Variants in ZNF280C observed in about 807,000 individuals in gnomAD.
The protein encoded by ZNF280C is zinc finger protein 280C, also known as suppressor of hairy wing homolog 3.
ZNF280C carries 14 observed loss-of-function variants against 53.6 expected under a neutral mutation model. The ratio of observed to expected loss-of-function variants is 0.26; its 90% CI spans 0.17 to 0.41. The LOEUF is 0.41. Ranked by LOEUF, ZNF280C falls within the 10% of genes least tolerant of loss-of-function variation. The pLI is 1.00. For missense variants in ZNF280C, 416 were observed against 547.1 expected (o/e 0.76, Z 2.39); for synonymous variants, 203 against 181.1 (o/e 1.12, Z -0.97).
rs2124694127 is a variant in ZNF280C at position 130,204,268 on chromosome X, G to A, written c.*709C>T. On this transcript the variant is annotated 3_prime_UTR_variant, in exon 19 of 19. Coordinates refer to ENST00000370978, the MANE Select transcript of ZNF280C (RefSeq NM_017666.5). ...GGTTAGAATCGACCCATAAGCTTAA[G>A]ATCAAAAGCCAAAGCTCCCAATGGG... The A allele has an allele frequency of 1.8e-5, 2 of 112,519 alleles. 1 individual carries two copies. Among genetic ancestry groups the A allele is most frequent in the South Asian group, 7.4e-4 (2 of 2,709 alleles). The allele number at this position is 112,519 out of a possible 1,213,427, so 9.3% of individuals were successfully genotyped here.
intron 13 of ZNF280C, 43 bp downstream of exon 13, chrX:130,220,306 T>C (rs1266477717): frequency 4.7e-6 from 5 of 1,074,779 alleles, no homozygotes; most frequent in East Asian, 3.3e-5. Flanking sequence ...AAAAAATTAA[T>C]AGAATGTGCA....
At chrX:130,268,637 C>G (rs1276192327) in intron 1 of ZNF280C, 125 bp downstream of exon 1, 1 of 112,318 alleles carries the variant, frequency 8.9e-6, no homozygotes, top group Admixed American at 9.3e-5. Context: ...CCCGTCGATC[C>G]GCACCGGCAT....
At position 130,204,515 on chromosome X, in the gene ZNF280C, A is replaced by G. The variant is rs2031950147; in HGVS notation, c.*462T>C. 1.7e-5 allele frequency: 2 copies of G among 114,860 alleles called. No individual in the cohort carries two copies. The highest frequency in any genetic ancestry group is 1.9e-4 in the Admixed American group (2 of 10,624). 9.5% of individuals were successfully genotyped at this position (114,860 alleles called of 1,213,427 possible). ...GGGACACTGTCCAGGAGTACCCTGG[A>G]TATTTTTTGAAACTTATGTGTTGCT... On this transcript the variant is annotated 3_prime_UTR_variant, in exon 19 of 19. Transcript: ENST00000370978.
chrX:130,209,238 TTC>T (rs2032014961), intron 16 of ZNF280C, among the ~76,000 whole-genome samples: 1 of 112,038 alleles, frequency 8.9e-6, no homozygotes, highest in East Asian at 2.8e-4. Context: ...GTTTAGTTGA[TTC>T]TGAGCTAAAT....
In ZNF280C at chrX:130,251,679, T is replaced by A. The variant is rs189079862; in HGVS notation, c.32-4674A>T. The stretch of plus-strand genomic sequence containing the variant: ...CCCAGGAGGCTAAAGAATGAGAATC[T>A]CTGGAACCCAGGAGAGAACGAGAAT... On this transcript the variant is annotated intron_variant, in intron 2 of 18. Transcript: ENST00000370978. Among the ~76,000 whole-genome samples, 3 of 109,761 alleles carry A rather than the reference T, an allele frequency of 2.7e-5. No individual in the cohort carries two copies. In the East Asian group the frequency reaches 8.4e-4, roughly 31 times the overall value.
chrX:130,222,148 A>T (rs2032170940), intron 12 of ZNF280C, among the ~76,000 whole-genome samples: 1 of 110,239 alleles, frequency 9.1e-6, no homozygotes, highest in African/African-American at 3.3e-5. Context: ...CCTTTGGAGA[A>T]GCCCTCTTTG....
chrX:130,207,564 G>T (rs1052301603), intron 16 of ZNF280C, among the ~76,000 whole-genome samples: 2 of 110,768 alleles, frequency 1.8e-5, no homozygotes, highest in Admixed American at 9.7e-5. Flanking sequence ...GTTTTGCCAT[G>T]TTGGCCAGGT....
intron 10 of ZNF280C, among the ~76,000 whole-genome samples, chrX:130,228,534 C>T (rs1297423646): frequency 9.1e-6 from 1 of 110,203 alleles, no homozygotes; most frequent in Non-Finnish European, 1.9e-5. Flanking sequence ...CAACCCACCT[C>T]GGCTTCCCAG....
chrX:130,252,122 T>A (rs1185532551), intron 2 of ZNF280C, among the ~76,000 whole-genome samples: 1 of 110,459 alleles, frequency 9.1e-6, no homozygotes, highest in Non-Finnish European at 1.9e-5. Context: ...TCAGAAAAAA[T>A]GAAAAACAAA....
At chrX:130,227,045 A>G (rs1302567565) in intron 11 of ZNF280C, 140 bp from the exon 12 acceptor site, 3 of 471,806 alleles carry the variant, frequency 6.4e-6, no homozygotes, top group Non-Finnish European at 1.0e-5. Flanking sequence ...ACCAAGAATC[A>G]TATTACTGCA....
intron 2 of ZNF280C, among the ~76,000 whole-genome samples, chrX:130,254,036 T>C (rs1449191336): frequency 8.9e-6 from 1 of 111,883 alleles, no homozygotes; most frequent in African/African-American, 3.3e-5. Context: ...ATCCAGCATA[T>C]ATAAAGAACT....
In ZNF280C at chrX:130,203,423, G is replaced by GAGGT. The variant is rs2031935481; in HGVS notation, c.*1553_*1554insACCT. On this transcript the variant is annotated 3_prime_UTR_variant, in exon 19 of 19. Transcript: ENST00000370978. ...TGTAATCCCAGCACTTTGGGAGGAC[G>GAGGT]AGGCGGACTGATCACGACGTCAGGA... is the stretch of plus-strand genomic sequence containing the variant. 8.9e-6 allele frequency: 1 copy of GAGGT among 111,865 alleles called. No homozygotes were observed. Among genetic ancestry groups the GAGGT allele is most frequent in the Non-Finnish European group, 1.9e-5 (1 of 53,157 alleles). 9.2% of individuals were successfully genotyped at this position (111,865 alleles called of 1,213,427 possible). A position where few individuals can be genotyped will look rare whatever the true frequency, so the allele number is the denominator to read the frequency against.
chrX:130,216,816 T>C (rs1023309014), intron 13 of ZNF280C, among the ~76,000 whole-genome samples: 2 of 110,990 alleles, frequency 1.8e-5, no homozygotes, highest in African/African-American at 6.6e-5. Context: ...CTGGCCAACA[T>C]GGTGAAACTC....
chrX:130,264,706 A>T (rs1299926983), intron 1 of ZNF280C, among the ~76,000 whole-genome samples: 2 of 111,008 alleles, frequency 1.8e-5, no homozygotes, highest in Non-Finnish European at 3.8e-5. Flanking sequence ...TAGGTATGAA[A>T]AACTCAATAG....
At chrX:130,226,982 G>T in intron 11 of ZNF280C, 77 bp from the exon 12 acceptor site, 1 of 992,034 alleles carries the variant, frequency 1.0e-6, no homozygotes, top group Non-Finnish European at 1.4e-6. Flanking sequence ...AGCAATAACG[G>T]GTCATCTGTT....
intron 6 of ZNF280C, among the ~76,000 whole-genome samples, chrX:130,237,668 G>GT (rs769146315): frequency 3.8e-3 from 425 of 110,435 alleles, no homozygotes; most frequent in Middle Eastern, 9.3e-3. Context: ...TGCCAGGAAA[G>GT]TAAGTATTAC....
chrX:130,236,362 T>C (rs2032332931), intron 7 of ZNF280C, 42 bp from the exon 8 acceptor site: 3 of 1,138,639 alleles, frequency 2.6e-6, no homozygotes, highest in South Asian at 4.0e-5. Context: ...ATCCATCTTT[T>C]TAAAACCTTA....
intron 8 of ZNF280C, among the ~76,000 whole-genome samples, chrX:130,234,620 C>T (rs1384581717): frequency 1.8e-5 from 2 of 112,142 alleles, no homozygotes; most frequent in Non-Finnish European, 3.8e-5. Flanking sequence ...TTGCTTTGCA[C>T]TCGTCTCATC....
At chrX:130,256,619 G>C (rs747919345) in intron 2 of ZNF280C, among the ~76,000 whole-genome samples, 1 of 110,174 alleles carries the variant, frequency 9.1e-6, no homozygotes, top group African/African-American at 3.3e-5. Flanking sequence ...GTGGGGGGGC[G>C]CGGTAGCTCA....
Sources: gnomAD v4.1 joint callset for allele counts (sites outside exome capture counted in the v4.1 genomes callset) on GRCh38, gnomAD v4.1.1 for gene constraint, MANE v1.5 for transcripts, NCBI Gene and HGNC (gene_info 2026-07-23, HGNC 2026-07-21) for gene names.